CSMD1: variants seen among roughly 807,000 people sequenced by gnomAD.
CSMD1 encodes CUB and sushi domain-containing protein 1.
A neutral mutation model predicts 417.5 loss-of-function variants in CSMD1; 213 were observed. The ratio of observed to expected loss-of-function variants is 0.51; its 90% CI spans 0.46 to 0.57. CSMD1 has a LOEUF of 0.57. Ranked by LOEUF, CSMD1 falls within the 20% of genes least tolerant of loss-of-function variation. CSMD1 has a pLI of 0.00. For synonymous variants in CSMD1, 2,862 were observed against 1,736.8 expected, an observed-to-expected ratio of 1.65 and a Z score of -16.11; for missense variants, 6,923 against 4,529.7, an observed-to-expected ratio of 1.53 and a Z score of -15.17.
chr8:3,296,377 G>C (rs977688441), intron 25 of CSMD1, among the ~76,000 whole-genome samples: 2 of 152,206 alleles, frequency 1.3e-5, no homozygotes, highest in South Asian at 4.1e-4. Context: ...TGGGAAGGAA[G>C]AGCTGAGAGC....
At chr8:4,207,656 T>G (rs2131275430) in intron 3 of CSMD1, among the ~76,000 whole-genome samples, 1 of 152,272 alleles carries the variant, frequency 6.6e-6, no homozygotes, top group East Asian at 1.9e-4. Flanking sequence ...TATGTATTCC[T>G]ACATAAATTA....
chr8:3,759,480 T>C (rs1423868469), intron 5 of CSMD1, among the ~76,000 whole-genome samples: 1 of 152,148 alleles, frequency 6.6e-6, no homozygotes, highest in African/African-American at 2.4e-5. Context: ...CCACACTTCT[T>C]TTAGGCCTGC....
intron 3 of CSMD1, among the ~76,000 whole-genome samples, chr8:4,242,043 G>C (rs913501059): frequency 2.0e-5 from 3 of 152,060 alleles, no homozygotes; most frequent in Non-Finnish European, 4.4e-5. Context: ...TTTTGACTTT[G>C]TGAAATGAAA....
chr8:3,378,990 A>G (rs1206471413), intron 18 of CSMD1, among the ~76,000 whole-genome samples: 2 of 152,226 alleles, frequency 1.3e-5, no homozygotes, highest in Non-Finnish European at 2.9e-5. Flanking sequence ...TTGTATATTT[A>G]GAAAACCCCA....
chr8:3,819,438 A>C (rs1409229631), intron 5 of CSMD1, among the ~76,000 whole-genome samples: 3 of 152,060 alleles, frequency 2.0e-5, no homozygotes, highest in Non-Finnish European at 4.4e-5. Context: ...AGAAAGTTGG[A>C]AGCTAGAAGT....
intron 62 of CSMD1, among the ~76,000 whole-genome samples, chr8:2,959,270 A>AT (rs1195417477): frequency 1.3e-5 from 2 of 152,090 alleles, no homozygotes; most frequent in East Asian, 1.9e-4. Context: ...TGCCCAGATG[A>AT]TTTTTTGTAT....
intron 5 of CSMD1, among the ~76,000 whole-genome samples, chr8:3,797,046 C>T (rs970800100): frequency 2.0e-5 from 3 of 151,836 alleles, no homozygotes; most frequent in South Asian, 2.1e-4. Flanking sequence ...TCAGCACATA[C>T]GTGGTAGGGC....
intron 12 of CSMD1, among the ~76,000 whole-genome samples, chr8:3,437,579 C>T (rs1169611006): frequency 6.6e-6 from 1 of 152,094 alleles, no homozygotes; most frequent in Non-Finnish European, 1.5e-5. Flanking sequence ...AGGAGCCCAT[C>T]CTCAATGAAT....
At chr8:3,497,612 G>T (rs993072926) in intron 10 of CSMD1, among the ~76,000 whole-genome samples, 3 of 152,090 alleles carry the variant, frequency 2.0e-5, no homozygotes, top group Admixed American at 1.3e-4. Context: ...TAAAAGTATG[G>T]CTATTCCTGC....
intron 69 of CSMD1, among the ~76,000 whole-genome samples, chr8:2,940,493 A>T (rs1386600787): frequency 6.6e-6 from 1 of 152,166 alleles, no homozygotes; most frequent in African/African-American, 2.4e-5. Flanking sequence ...TCACATTTAC[A>T]TAAAAATAAG....
chr8:4,517,350 G>T (rs1803180030), intron 2 of CSMD1, among the ~76,000 whole-genome samples: 2 of 152,200 alleles, frequency 1.3e-5, no homozygotes, highest in Non-Finnish European at 1.5e-5. Flanking sequence ...TTGCTAATTT[G>T]CTGTCAGTGC....
chr8:4,670,849 G>C (rs1273483272), intron 1 of CSMD1, among the ~76,000 whole-genome samples: 1 of 152,192 alleles, frequency 6.6e-6, no homozygotes, highest in East Asian at 1.9e-4. Context: ...AAAAGAACGT[G>C]TTTGTGTTTG....
chr8:3,787,127 G>A (rs958152819), intron 5 of CSMD1, among the ~76,000 whole-genome samples: 1 of 151,998 alleles, frequency 6.6e-6, no homozygotes, highest in African/African-American at 2.4e-5. Context: ...CAAGAGGAAG[G>A]GTAGTCAAAA....
intron 12 of CSMD1, among the ~76,000 whole-genome samples, chr8:3,464,529 C>G (rs1156957305): frequency 1.3e-5 from 2 of 150,626 alleles, no homozygotes; most frequent in African/African-American, 4.9e-5. Flanking sequence ...ATATAGTATT[C>G]TGAGATTTAC....
chr8:3,667,741 A>G (rs768373730), intron 7 of CSMD1, among the ~76,000 whole-genome samples: 4 of 152,200 alleles, frequency 2.6e-5, no homozygotes, highest in African/African-American at 9.7e-5. Flanking sequence ...GAAAGTAAAC[A>G]AGAGTTCTGA....
At chr8:3,243,978 T>A (rs907601969) in intron 26 of CSMD1, among the ~76,000 whole-genome samples, 1 of 152,196 alleles carries the variant, frequency 6.6e-6, no homozygotes, top group African/African-American at 2.4e-5. Flanking sequence ...GTACGTTTGC[T>A]TAGCATACGC....
intron 41 of CSMD1, among the ~76,000 whole-genome samples, chr8:3,138,724 G>A (rs1818257552): frequency 6.6e-6 from 1 of 152,214 alleles, no homozygotes; most frequent in Non-Finnish European, 1.5e-5. Flanking sequence ...GACTGTGGCT[G>A]CTGGAGATAT....
At chr8:4,667,448 A>G (rs1457047052) in intron 1 of CSMD1, among the ~76,000 whole-genome samples, 1 of 152,166 alleles carries the variant, frequency 6.6e-6, no homozygotes, top group Non-Finnish European at 1.5e-5. Flanking sequence ...TAGAAAAAAA[A>G]AAAGAAACTG....
At chr8:3,169,064 T>A (rs1820420837) in intron 37 of CSMD1, among the ~76,000 whole-genome samples, 1 of 152,310 alleles carries the variant, frequency 6.6e-6, no homozygotes, top group South Asian at 2.1e-4. Flanking sequence ...TTGGTCTACG[T>A]ACCACCCACC....
Sources: gnomAD v4.1 joint callset for allele counts (sites outside exome capture counted in the v4.1 genomes callset) on GRCh38, gnomAD v4.1.1 for gene constraint, MANE v1.5 for transcripts, NCBI Gene and HGNC (gene_info 2026-07-23, HGNC 2026-07-21) for gene names.